The following FRMPD4 variants were observed in gnomAD, a reference collection of about 807,000 sequenced individuals.
The protein encoded by FRMPD4 is FERM and PDZ domain containing 4, also known as FERM and PDZ domain-containing protein 4.
In FRMPD4, 22 loss-of-function variants were observed where a neutral mutation model predicts 94.1. That is an observed-to-expected ratio of 0.23 (90% confidence interval 0.17 to 0.33). The LOEUF is 0.33. Ranked by LOEUF, FRMPD4 falls within the 10% of genes least tolerant of loss-of-function variation. The pLI is 1.00. For synonymous variants in FRMPD4, 631 were observed against 548.6 expected, an observed-to-expected ratio of 1.15 and a Z score of -2.10; for missense variants, 1,111 against 1,339.9, an observed-to-expected ratio of 0.83 and a Z score of 2.67.
chrX:12,413,011 G>A (rs1944172871), intron 1 of FRMPD4, among the ~76,000 whole-genome samples: 1 of 110,540 alleles, frequency 9.0e-6, no homozygotes, highest in South Asian at 3.9e-4. Context: ...GGCACTGTAT[G>A]TGCCATGCAC....
At chrX:12,289,406 C>T (rs988983712) in intron 1 of FRMPD4, among the ~76,000 whole-genome samples, 2 of 112,048 alleles carry the variant, frequency 1.8e-5, no homozygotes, top group African/African-American at 6.5e-5. Context: ...TTGTAATTAA[C>T]AACACGAAGT....
At chrX:11,947,721 G>T (rs753139316) in intron 3 of FRMPD4, among the ~76,000 whole-genome samples, 3 of 111,387 alleles carry the variant, frequency 2.7e-5, no homozygotes, top group Non-Finnish European at 5.7e-5. Flanking sequence ...AACACGTAAG[G>T]CTCTTAGCAT....
At chrX:12,134,468 G>C (rs184405252), upstream of FRMPD4, among the ~76,000 whole-genome samples, 8 of 112,096 alleles carry the variant, frequency 7.1e-5, no homozygotes, top group African/African-American at 2.6e-4. Flanking sequence ...TCTGTTTTCA[G>C]GACTGAGACC....
intron 1 of FRMPD4, among the ~76,000 whole-genome samples, chrX:12,296,564 C>A (rs2054775335): frequency 8.9e-6 from 1 of 111,988 alleles, no homozygotes; most frequent in African/African-American, 3.2e-5. Flanking sequence ...GCAATACAGA[C>A]CTGAGTCACT....
chrX:12,069,514 T>G (rs1266084001), intron 3 of FRMPD4, among the ~76,000 whole-genome samples: 2 of 111,783 alleles, frequency 1.8e-5, no homozygotes, highest in African/African-American at 6.5e-5. Context: ...ATATACATCT[T>G]TAGAAGTGCC....
chrX:12,232,280 G>A (rs1045307090), intron 1 of FRMPD4, among the ~76,000 whole-genome samples: 3 of 111,853 alleles, frequency 2.7e-5, no homozygotes, highest in Non-Finnish European at 3.8e-5. Context: ...TAGGAAAGAG[G>A]TTTAATTGAC....
intron 1 of FRMPD4, among the ~76,000 whole-genome samples, chrX:12,459,504 A>G (rs1034918931): frequency 1.8e-5 from 2 of 111,077 alleles, no homozygotes; most frequent in African/African-American, 6.5e-5. Flanking sequence ...ATATCCACTA[A>G]CTGGCTTTCT....
intron 1 of FRMPD4, among the ~76,000 whole-genome samples, chrX:12,459,491 C>T (rs1473025549): frequency 9.0e-6 from 1 of 111,430 alleles, no homozygotes; most frequent in East Asian, 2.8e-4. Flanking sequence ...CCCCTGGCCC[C>T]AGATATCCAC....
intron 2 of FRMPD4, among the ~76,000 whole-genome samples, chrX:12,517,672 T>A (rs975306568): frequency 8.9e-6 from 1 of 112,460 alleles, no homozygotes; most frequent in Non-Finnish European, 1.9e-5. Context: ...GGGGTTCTCA[T>A]CCAGTCAGGA....
intron 3 of FRMPD4, among the ~76,000 whole-genome samples, chrX:11,979,494 T>G (rs750681185): frequency 8.9e-6 from 1 of 112,340 alleles, no homozygotes; most frequent in South Asian, 3.7e-4. Flanking sequence ...TTCACATCAC[T>G]GTGGGATGAA....
chrX:12,089,829 C>T (rs928071010), intron 3 of FRMPD4, among the ~76,000 whole-genome samples: 4 of 111,859 alleles, frequency 3.6e-5, no homozygotes, highest in African/African-American at 1.3e-4. Flanking sequence ...CATAGTGCAA[C>T]AAGAGATACA....
intron 7 of FRMPD4, among the ~76,000 whole-genome samples, chrX:12,686,604 T>G (rs2060026135): frequency 8.9e-6 from 1 of 112,065 alleles, no homozygotes; most frequent in East Asian, 2.8e-4. Flanking sequence ...AATTGAATAT[T>G]TGCTACTTTG....
chrX:11,885,362 A>G (rs1227404024), intron 3 of FRMPD4, among the ~76,000 whole-genome samples: 1 of 110,659 alleles, frequency 9.0e-6, no homozygotes, highest in African/African-American at 3.3e-5. Flanking sequence ...ATAGAGACAG[A>G]GAGTAGACTG....
chrX:12,199,272 T>C (rs926545329), intron 1 of FRMPD4, among the ~76,000 whole-genome samples: 13 of 84,590 alleles, frequency 1.5e-4, no homozygotes, highest in Non-Finnish European at 6.4e-5. Flanking sequence ...TGTGTGTGTA[T>C]GTGTGTGTGT....
upstream of FRMPD4, among the ~76,000 whole-genome samples, chrX:12,137,284 T>C (rs762865373): frequency 8.9e-6 from 1 of 112,961 alleles, no homozygotes; most frequent in South Asian, 3.6e-4. Flanking sequence ...TTGCTATTTA[T>C]TTTATGTTCA....
intron 11 of FRMPD4, among the ~76,000 whole-genome samples, chrX:12,705,039 G>A (rs765465211): frequency 2.7e-5 from 3 of 111,683 alleles, no homozygotes; most frequent in Non-Finnish European, 5.6e-5. Flanking sequence ...GCACCCTCCC[G>A]TGATCGTGAC....
At chrX:12,508,861 G>A (rs1250416757) in intron 2 of FRMPD4, among the ~76,000 whole-genome samples, 4 of 108,440 alleles carry the variant, frequency 3.7e-5, no homozygotes, top group African/African-American at 1.3e-4. Flanking sequence ...GCATGGTGGT[G>A]CGTGCCTATA....
chrX:12,644,184 C>T (rs2059526314), intron 4 of FRMPD4, among the ~76,000 whole-genome samples: 1 of 111,268 alleles, frequency 9.0e-6, no homozygotes, highest in South Asian at 3.9e-4. Context: ...ATCCTCCCAC[C>T]TCAGCCTCCT....
At position 12,559,142 on chromosome X, in the gene FRMPD4, T is replaced by C. The variant is rs140574250; in HGVS notation, c.159-50579T>C. Among the ~76,000 whole-genome samples the C allele has an allele frequency of 6.0e-3, 679 of 112,387 alleles. 11 individuals are homozygous for C. Among genetic ancestry groups the C allele is most frequent in the Non-Finnish European group, 7.9e-3 (423 of 53,308 alleles). ...TCAGATTTAGGTTAATAACTTTCAT[T>C]GGCTGATTTAGAATTAAATATGCCT... On this transcript the variant is annotated intron_variant, in intron 2 of 16. Coordinates refer to ENST00000675598, the MANE Select transcript of FRMPD4 (RefSeq NM_001368397.1).
Sources: allele counts gnomAD v4.1 joint callset (sites outside exome capture counted in the v4.1 genomes callset), GRCh38; gene constraint gnomAD v4.1.1; transcripts MANE v1.5; gene names NCBI Gene and HGNC (gene_info 2026-07-23, HGNC 2026-07-21).